NMNAT2: variants seen among roughly 807,000 people sequenced by gnomAD.
The protein encoded by NMNAT2 is nicotinamide/nicotinic acid mononucleotide adenylyltransferase 2.
Under a neutral mutation model 41.6 loss-of-function variants are expected in NMNAT2, and 11 were observed. That is an observed-to-expected ratio of 0.26 (90% CI 0.17 to 0.44). NMNAT2 has a LOEUF of 0.44. Among genes scored for constraint, NMNAT2 ranks in the 20% least tolerant of loss-of-function variants. The pLI is 1.00. For synonymous variants in NMNAT2, 148 were observed against 151.2 expected (o/e 0.98, Z 0.16); for missense variants, 288 against 407.7 (o/e 0.71, Z 2.53).
chr1:183,321,767 C>G (rs367928630), intron 1 of NMNAT2, among the ~76,000 whole-genome samples: 1 of 151,736 alleles, frequency 6.6e-6, no homozygotes, highest in East Asian at 1.9e-4. Context: ...GAAAAAGAAA[C>G]AAATATGTTA....
chr1:183,323,714 AT>A (rs772545059), intron 1 of NMNAT2, among the ~76,000 whole-genome samples: 1 of 152,144 alleles, frequency 6.6e-6, no homozygotes, highest in Non-Finnish European at 1.5e-5. Context: ...CTGAGATACT[AT>A]CTTCCTTACA....
rs1660322561 is a variant in NMNAT2, at chr1:183,249,686, TG to T, written c.*2954del. On this transcript the variant is annotated 3_prime_UTR_variant, in exon 11 of 11. Coordinates refer to ENST00000287713, the MANE Select transcript of NMNAT2 (RefSeq NM_015039.4). ...CCTAGCAAATGAAGAGTAGGGCGTG[TG>T]TGTGTGTGTGTGTGTGTGTGTGTGT... 1 of 62,176 alleles carries T rather than the reference TG, an allele frequency of 1.6e-5. No individual in the cohort carries two copies. The highest frequency in any genetic ancestry group is 1.2e-4 in the African/African-American group (1 of 8,506). 3.9% of individuals were successfully genotyped at this position (62,176 alleles called of 1,614,324 possible).
chr1:183,269,194 G>T (rs966699725), intron 8 of NMNAT2, among the ~76,000 whole-genome samples: 1 of 152,206 alleles, frequency 6.6e-6, no homozygotes, highest in Non-Finnish European at 1.5e-5. Context: ...ATATCTAGGA[G>T]AAGAGGATTC....
intron 1 of NMNAT2, among the ~76,000 whole-genome samples, chr1:183,316,567 C>A (rs934183784): frequency 6.6e-6 from 1 of 152,170 alleles, no homozygotes; most frequent in Non-Finnish European, 1.5e-5. Context: ...CCAGGGCTCG[C>A]CAGCCCCCCA....
chr1:183,329,822 T>C (rs1662543149), intron 1 of NMNAT2, among the ~76,000 whole-genome samples: 1 of 152,234 alleles, frequency 6.6e-6, no homozygotes, highest in Admixed American at 6.5e-5. Context: ...GGTATAGAAG[T>C]CATCTAATCT....
At chr1:183,370,273 C>T (rs1329344223) in intron 1 of NMNAT2, among the ~76,000 whole-genome samples, 1 of 147,910 alleles carries the variant, frequency 6.8e-6, no homozygotes, top group Non-Finnish European at 1.5e-5. Context: ...CACACACACA[C>T]ACAGGCTGCA....
chr1:183,356,327 C>T (rs1557887938), intron 1 of NMNAT2, among the ~76,000 whole-genome samples: 1 of 152,168 alleles, frequency 6.6e-6, no homozygotes, highest in Non-Finnish European at 1.5e-5. Flanking sequence ...TCATAGACAG[C>T]CATAGACTCT....
intron 1 of NMNAT2, among the ~76,000 whole-genome samples, chr1:183,331,506 G>A (rs1213516296): frequency 6.6e-6 from 1 of 152,214 alleles, no homozygotes; most frequent in Non-Finnish European, 1.5e-5. Context: ...GGAATCAGGA[G>A]CCTGGAATGT....
chr1:183,317,165 C>T (rs1662271561), intron 1 of NMNAT2, among the ~76,000 whole-genome samples: 1 of 152,254 alleles, frequency 6.6e-6, no homozygotes, highest in Non-Finnish European at 1.5e-5. Flanking sequence ...AAGTGGCAGC[C>T]TCAGAGTGGG....
chr1:183,283,960 G>A (rs749607623), intron 7 of NMNAT2, 35 bp downstream of exon 7: 1 of 1,609,890 alleles, frequency 6.2e-7, no homozygotes, highest in East Asian at 2.2e-5. Context: ...AGCTCCAAAT[G>A]TCCCCATTTT....
Position 183,389,897 on chromosome 1 carries a change from G to A in NMNAT2, c.85+28286C>T, listed in dbSNP as rs865888020. On this transcript the variant is annotated intron_variant, in intron 1 of 10. Transcript: ENST00000287713. ...AGGGAGGGAGGGAGGGAGGGAGGGA[G>A]GGAAGGAAGGAAGGAAGGAAAGAAA... is the stretch of plus-strand genomic sequence containing the variant. Among the ~76,000 whole-genome samples, 36 of 132,502 alleles carry A rather than the reference G, an allele frequency of 2.7e-4. 1 individual carries two copies. The highest frequency in any genetic ancestry group is 9.2e-4 in the African/African-American group (33 of 35,862). The allele number at this position is 132,502 out of a possible 152,430, so 86.9% of individuals were successfully genotyped here. A position where few individuals can be genotyped will look rare whatever the true frequency, so the allele number is the denominator to read the frequency against.
In NMNAT2 at chr1:183,251,884, G is replaced by C. The variant is rs1660391779; in HGVS notation, c.*757C>G. 6.1e-6 allele frequency: 1 copy of C among 163,614 alleles called. No individual in the cohort carries two copies. The highest frequency in any genetic ancestry group is 1.3e-5 in the Non-Finnish European group (1 of 74,636). 10.1% of individuals were successfully genotyped at this position (163,614 alleles called of 1,614,324 possible). On this transcript the variant is annotated 3_prime_UTR_variant, in exon 11 of 11. Transcript: ENST00000287713. The stretch of plus-strand genomic sequence containing the variant: ...TGCTGCTGCTGCTGCTGCTGCTACT[G>C]CTATATGTGTGTGTGTATGTGCGTG...
intron 1 of NMNAT2, among the ~76,000 whole-genome samples, chr1:183,298,730 G>T (rs1401844790): frequency 2.6e-5 from 4 of 152,162 alleles, no homozygotes; most frequent in African/African-American, 9.7e-5. Flanking sequence ...GGGTGATCAT[G>T]CTTCTATTGA....
At chr1:183,375,118 C>T (rs1333390883) in intron 1 of NMNAT2, among the ~76,000 whole-genome samples, 1 of 152,196 alleles carries the variant, frequency 6.6e-6, no homozygotes, top group African/African-American at 2.4e-5. Context: ...ACTCATGCCC[C>T]TACCCCCATC....
intron 1 of NMNAT2, among the ~76,000 whole-genome samples, chr1:183,354,184 T>G (rs1571615767): frequency 6.6e-6 from 1 of 152,238 alleles, no homozygotes; most frequent in East Asian, 1.9e-4. Context: ...AGTCAATTGC[T>G]GCAGCAAATA....
At chr1:183,304,962 ATAT>A in intron 1 of NMNAT2, 1 of 1,121,504 alleles carries the variant, frequency 8.9e-7, no homozygotes, top group Non-Finnish European at 1.2e-6. Flanking sequence ...AGAACCTCTC[ATAT>A]GCTCCCGCTT....
intron 10 of NMNAT2, among the ~76,000 whole-genome samples, chr1:183,259,274 C>A (rs184076911): frequency 6.6e-6 from 1 of 152,340 alleles, no homozygotes; most frequent in East Asian, 1.9e-4. Flanking sequence ...GAACCACATG[C>A]TGCCCCTCTC....
rs748088339 is a variant in NMNAT2 at position 183,252,641 on chromosome 1, C to T, written c.924G>A (p.Ter308=). 6.2e-7 allele frequency: 1 copy of T among 1,610,952 alleles called. No homozygotes were observed. Among genetic ancestry groups the T allele is most frequent in the Admixed American group, 1.7e-5 (1 of 60,026 alleles). Residue 308 remains the stop codon, a stop_retained_variant, in exon 11 of 11, where the codon TAG becomes TAA. Transcript: ENST00000287713. ...KSQLYINASG[*] The stretch of plus-strand genomic sequence containing the variant: ...TGTGTTGCCGGAGGACGAGGGGCTG[C>T]TAGCCGGAGGCATTGATGTACAGCT...
chr1:183,253,253 T>C (rs918507604), intron 10 of NMNAT2, among the ~76,000 whole-genome samples: 1 of 148,038 alleles, frequency 6.8e-6, no homozygotes. Flanking sequence ...TATTTTATAA[T>C]TTATATATTA....
Sources: allele counts gnomAD v4.1 joint callset (sites outside exome capture counted in the v4.1 genomes callset), GRCh38; gene constraint gnomAD v4.1.1; transcripts MANE v1.5; gene names NCBI Gene and HGNC (gene_info 2026-07-23, HGNC 2026-07-21).